Variants in SYT1 observed in about 807,000 individuals in gnomAD.
SYT1 encodes the protein synaptotagmin 1.
Under a neutral mutation model 44.8 loss-of-function variants are expected in SYT1, and 8 were observed. The ratio of observed to expected loss-of-function variants is 0.18; its 90% CI spans 0.10 to 0.32. The LOEUF (loss-of-function observed/expected upper bound fraction) is 0.32. Among genes scored for constraint, SYT1 ranks in the 10% least tolerant of loss-of-function variants. The pLI is 1.00. For missense variants in SYT1, 286 were observed against 509.3 expected, an observed-to-expected ratio of 0.56 and a Z score of 4.22; for synonymous variants, 154 against 188.8, an observed-to-expected ratio of 0.82 and a Z score of 1.51.
intron 9 of SYT1, among the ~76,000 whole-genome samples, chr12:79,379,815 A>G (rs1163585944): frequency 2.0e-5 from 3 of 152,218 alleles, no homozygotes; most frequent in East Asian, 1.9e-4. Context: ...ATAAAAAACT[A>G]TAGATATTGC....
intron 3 of SYT1, among the ~76,000 whole-genome samples, chr12:79,193,027 A>G (rs1044518667): frequency 1.3e-5 from 2 of 152,172 alleles, no homozygotes; most frequent in African/African-American, 2.4e-5. Flanking sequence ...ATTTTACACA[A>G]TGCCATAGCC....
At chr12:79,197,719 T>G (rs952900957) in intron 3 of SYT1, among the ~76,000 whole-genome samples, 1 of 152,200 alleles carries the variant, frequency 6.6e-6, no homozygotes, top group African/African-American at 2.4e-5. Context: ...CATTATCTTT[T>G]AGTTTGTTCA....
intron 2 of SYT1, among the ~76,000 whole-genome samples, chr12:79,024,598 A>T (rs1361968411): frequency 6.6e-6 from 1 of 151,836 alleles, no homozygotes; most frequent in East Asian, 1.9e-4. Flanking sequence ...GATAAGAATG[A>T]TGTACCAGAG....
chr12:79,049,368 A>G (rs1287833426), intron 3 of SYT1, among the ~76,000 whole-genome samples: 1 of 151,940 alleles, frequency 6.6e-6, no homozygotes, highest in Non-Finnish European at 1.5e-5. Flanking sequence ...GCCTCTTTTC[A>G]TGCATTTTTA....
Position 79,217,485 on chromosome 12 carries a change from G to T in SYT1, c.-17-18G>T. ...AGCCATTTTGAATTGTTCTGTCTTTGCTTCCCTCCCCTCACAGCTTCACCT... is the reference window on the plus strand; with the variant it reads ...AGCCATTTTGAATTGTTCTGTCTTTTCTTCCCTCCCCTCACAGCTTCACCT... On this transcript the variant is annotated intron_variant, in intron 3 of 10. Transcript: ENST00000261205. The T allele has an allele frequency of 6.5e-7, 1 of 1,543,570 alleles. No individual in the cohort carries two copies.
At chr12:79,211,665 C>T (rs1018329812) in intron 3 of SYT1, among the ~76,000 whole-genome samples, 2 of 143,574 alleles carry the variant, frequency 1.4e-5, no homozygotes, top group Non-Finnish European at 3.0e-5. Context: ...TGTTCAATTC[C>T]CACCTAGGAG....
At chr12:79,291,980 T>C (rs1879609267) in intron 5 of SYT1, 28 bp from the exon 6 acceptor site, 3 of 1,612,252 alleles carry the variant, frequency 1.9e-6, no homozygotes, top group Non-Finnish European at 2.5e-6. Flanking sequence ...ACTCTGAAAT[T>C]CACATGTGAT....
Position 79,217,587 on chromosome 12 carries a change from C to T in SYT1, c.68C>T (p.Pro23Leu), listed in dbSNP as rs780826447. 9 of 1,612,948 alleles carry T rather than the reference C, an allele frequency of 5.6e-6. No homozygotes were observed. The highest frequency in any genetic ancestry group is 7.6e-6 in the Non-Finnish European group (9 of 1,179,482). Residue 23 changes from proline (P) to leucine (L), a missense_variant, in exon 4 of 11, where the codon CCA (proline) becomes CTA (leucine). Pro to Leu is a moderately conservative substitution (Grantham distance 98, BLOSUM62 -3). Coordinates refer to ENST00000261205, the MANE Select transcript of SYT1 (RefSeq NM_005639.3). ...PPVTTVATVL[P>L]SNATEPASPG... ...GTCACCACTGTCGCGACTGTTCTGC[C>T]AAGCAACGCCACAGAGCCAGCCAGT...
chr12:79,026,219 G>T (rs942759179), intron 2 of SYT1, among the ~76,000 whole-genome samples: 3 of 151,554 alleles, frequency 2.0e-5, no homozygotes, highest in Admixed American at 2.0e-4. Flanking sequence ...AAAGGAAGAA[G>T]AACTTTATTA....
intron 3 of SYT1, among the ~76,000 whole-genome samples, chr12:79,126,811 T>G (rs748272550): frequency 1.3e-5 from 2 of 152,170 alleles, no homozygotes; most frequent in Non-Finnish European, 2.9e-5. Context: ...GACTCAAGAT[T>G]GAAATTAGGG....
intron 3 of SYT1, among the ~76,000 whole-genome samples, chr12:79,175,674 G>A (rs1871812826): frequency 6.6e-6 from 1 of 151,972 alleles, no homozygotes. Flanking sequence ...TTATTTTTCT[G>A]TGAAGCAAAG....
At chr12:79,194,942 G>C (rs975235619) in intron 3 of SYT1, among the ~76,000 whole-genome samples, 4 of 152,138 alleles carry the variant, frequency 2.6e-5, no homozygotes, top group African/African-American at 9.7e-5. Flanking sequence ...CAGTAAGATA[G>C]ATCTAAAATT....
At chr12:79,400,778 G>T (rs7138514) in intron 9 of SYT1, among the ~76,000 whole-genome samples, 119,262 of 152,208 alleles carry the variant, frequency 0.78, 52,694 homozygotes, top group Non-Finnish European at 0.98. Context: ...CTGTTGCCTG[G>T]GCTATTGCCA....
At chr12:78,917,225 C>A (rs192337499) in intron 1 of SYT1, among the ~76,000 whole-genome samples, 1 of 152,162 alleles carries the variant, frequency 6.6e-6, no homozygotes, top group East Asian at 1.9e-4. Flanking sequence ...TACACGGCAG[C>A]CTTTCAAGAA....
At chr12:78,884,288 G>A (rs991331858) in intron 1 of SYT1, among the ~76,000 whole-genome samples, 3 of 151,618 alleles carry the variant, frequency 2.0e-5, no homozygotes, top group African/African-American at 7.2e-5. Flanking sequence ...TAAATGTATA[G>A]TTATATATTT....
chr12:78,901,755 C>G (rs1875677240), intron 1 of SYT1, among the ~76,000 whole-genome samples: 2 of 152,132 alleles, frequency 1.3e-5, no homozygotes, highest in Non-Finnish European at 2.9e-5. Flanking sequence ...GCTTGGCCTT[C>G]ACAGTAGTCA....
chr12:79,128,951 T>C (rs1337004654), intron 3 of SYT1, among the ~76,000 whole-genome samples: 2 of 152,148 alleles, frequency 1.3e-5, no homozygotes, highest in South Asian at 2.1e-4. Flanking sequence ...TGTGTTTGTG[T>C]TTCAAAAAGT....
chr12:79,115,459 C>T (rs1879225159), intron 3 of SYT1, among the ~76,000 whole-genome samples: 1 of 152,184 alleles, frequency 6.6e-6, no homozygotes, highest in African/African-American at 2.4e-5. Context: ...CTGAGCAATA[C>T]ATAAACAACA....
chr12:79,274,766 G>T (rs771189831), intron 4 of SYT1, among the ~76,000 whole-genome samples: 20 of 152,188 alleles, frequency 1.3e-4, no homozygotes, highest in Non-Finnish European at 2.4e-4. Context: ...CCTCCTGGCA[G>T]GAGGTCAACT....
Sources: allele counts gnomAD v4.1 joint callset (sites outside exome capture counted in the v4.1 genomes callset), GRCh38; gene constraint gnomAD v4.1.1; transcripts MANE v1.5; gene names NCBI Gene and HGNC (gene_info 2026-07-23, HGNC 2026-07-21).